SORCS2: variants seen among roughly 807,000 people sequenced by gnomAD.
SORCS2 encodes the protein sortilin related VPS10 domain containing receptor 2.
In SORCS2, 100 loss-of-function variants were observed where a neutral mutation model predicts 141.6. That is an observed-to-expected ratio of 0.71 (90% CI 0.60 to 0.83). The LOEUF (loss-of-function observed/expected upper bound fraction) is 0.83, where lower values mean the gene tolerates loss of function less well. Ranked by LOEUF, SORCS2 falls within the 40% of genes least tolerant of loss-of-function variation. The pLI, the probability that SORCS2 is intolerant of heterozygous loss-of-function variation, is 0.00. For synonymous variants in SORCS2, 789 were observed against 676.9 expected, an observed-to-expected ratio of 1.17 and a Z score of -2.57; for missense variants, 1,646 against 1,560.2, an observed-to-expected ratio of 1.05 and a Z score of -0.93.
intron 2 of SORCS2, among the ~76,000 whole-genome samples, chr4:7,425,059 G>A (rs1235036963): frequency 7.2e-5 from 11 of 152,176 alleles, no homozygotes; most frequent in African/African-American, 1.7e-4. Context: ...GTGCAGTTCC[G>A]GGAGGTGCCA....
intron 2 of SORCS2, among the ~76,000 whole-genome samples, chr4:7,467,605 G>A (rs994721223): frequency 3.3e-5 from 5 of 152,182 alleles, no homozygotes; most frequent in East Asian, 1.9e-4. Flanking sequence ...ACAGCTCAGC[G>A]GGGCCTGCAC....
chr4:7,459,686 G>C (rs537684085), intron 2 of SORCS2, among the ~76,000 whole-genome samples: 1 of 152,174 alleles, frequency 6.6e-6, no homozygotes, highest in East Asian at 1.9e-4. Flanking sequence ...GAGTGCTCAG[G>C]AGGACTTCCC....
At chr4:7,363,972 C>T (rs1366195758) in intron 1 of SORCS2, among the ~76,000 whole-genome samples, 5 of 12,682 alleles carry the variant, frequency 3.9e-4, no homozygotes, top group East Asian at 4.4e-3. Context: ...TTACCATCAC[C>T]GTCACCATAA....
chr4:7,484,423 G>A (rs62277656), intron 2 of SORCS2, among the ~76,000 whole-genome samples: 1 of 152,138 alleles, frequency 6.6e-6, no homozygotes, highest in Non-Finnish European at 1.5e-5. Flanking sequence ...GGGCCCAGCC[G>A]GAGCGGCCTG....
intron 2 of SORCS2, among the ~76,000 whole-genome samples, chr4:7,488,575 C>T (rs1019401159): frequency 2.0e-5 from 3 of 152,244 alleles, no homozygotes; most frequent in African/African-American, 4.8e-5. Flanking sequence ...CAGCGACTTT[C>T]CCAGACCTTC....
intron 1 of SORCS2, among the ~76,000 whole-genome samples, chr4:7,246,361 C>T (rs1262805605): frequency 6.6e-6 from 1 of 152,182 alleles, no homozygotes; most frequent in African/African-American, 2.4e-5. Flanking sequence ...ACCCACAGAT[C>T]TCACCCAGGG....
chr4:7,435,022 C>A, intron 2 of SORCS2: 1 of 1,043,078 alleles, frequency 9.6e-7, no homozygotes, highest in African/African-American at 1.6e-5. Flanking sequence ...ACCCTGTGCC[C>A]GGGGATTCCT....
At chr4:7,275,815 C>T (rs1298554955) in intron 1 of SORCS2, among the ~76,000 whole-genome samples, 1 of 152,160 alleles carries the variant, frequency 6.6e-6, no homozygotes. Context: ...TGCTACTGCA[C>T]TTCTATGGAG....
chr4:7,513,483 G>C lies in SORCS2; in HGVS notation c.549-18047G>C, dbSNP rs78789149. ...GCCAGGACACTTGGCTCCTAAGCCA[G>C]GCCAGAGCCGGGACTGCTGGCCCCC... On this transcript the variant is annotated intron_variant, in intron 2 of 26. Transcript: ENST00000507866. Among the ~76,000 whole-genome samples the C allele has an allele frequency of 6.3e-3, 962 of 152,368 alleles. 6 individuals carry two copies. Among genetic ancestry groups the C allele is most frequent in the Middle Eastern group, 0.027 (8 of 294 alleles).
intron 18 of SORCS2, 128 bp downstream of exon 18, chr4:7,718,311 C>G: frequency 1.9e-6 from 2 of 1,054,930 alleles, no homozygotes; most frequent in South Asian, 1.6e-5. Flanking sequence ...CATCAGCCAG[C>G]CTGTCCAGAC....
chr4:7,647,416 G>A (rs937331436), intron 4 of SORCS2, among the ~76,000 whole-genome samples: 4 of 152,186 alleles, frequency 2.6e-5, no homozygotes, highest in Admixed American at 2.6e-4. Context: ...CACACTCACA[G>A]CTGCCTTTCT....
At position 7,356,860 on chromosome 4, in the gene SORCS2, C is replaced by T. The variant is rs776011880; in HGVS notation, c.481-39428C>T. Among the ~76,000 whole-genome samples the T allele has an allele frequency of 5.9e-5, 9 of 152,336 alleles. No individual in the cohort carries two copies. In the South Asian group the frequency reaches 6.2e-4, roughly 11 times the overall value. ...ATCCCTGGATCTCTGGAGAGGGCTC[C>T]GGGCCTGGCCTGCTGGCTGGGGCCA... is the stretch of plus-strand genomic sequence containing the variant. On this transcript the variant is annotated intron_variant, in intron 1 of 26. Transcript: ENST00000507866.
intron 2 of SORCS2, among the ~76,000 whole-genome samples, chr4:7,496,419 CTACTGGAG>C (rs1731618446): frequency 7.1e-6 from 1 of 141,628 alleles, no homozygotes; most frequent in Non-Finnish European, 1.5e-5. Context: ...TTCTGGAAAG[CTACTGGAG>C]CCCCCCCCCC....
At chr4:7,716,958 A>G (rs1209100160) in intron 17 of SORCS2, among the ~76,000 whole-genome samples, 1 of 152,250 alleles carries the variant, frequency 6.6e-6, no homozygotes. Flanking sequence ...CTGAATGCTT[A>G]TTCAGTGGCA....
intron 2 of SORCS2, among the ~76,000 whole-genome samples, chr4:7,522,827 C>G (rs1241939064): frequency 4.8e-5 from 2 of 41,782 alleles, no homozygotes; most frequent in Non-Finnish European, 1.0e-4. Context: ...TCTCCCTTCT[C>G]CCTCCCTCCT....
At chr4:7,706,273 TGGGCAGGGATGAGGCTGGGCTCC>T (rs1725446662) in intron 14 of SORCS2, among the ~76,000 whole-genome samples, 4 of 132,084 alleles carry the variant, frequency 3.0e-5, no homozygotes, top group Non-Finnish European at 6.6e-5. Context: ...GGGCTCCGCC[TGGGCAGGGATGAGGCTGGGCTCC>T]GTCTGGGCAG....
chr4:7,390,939 G>A (rs1723818973), intron 1 of SORCS2, among the ~76,000 whole-genome samples: 1 of 152,202 alleles, frequency 6.6e-6, no homozygotes, highest in Admixed American at 6.5e-5. Flanking sequence ...CGCGAACTCT[G>A]CGAACTCAGA....
At chr4:7,462,347 A>G (rs561534479) in intron 2 of SORCS2, among the ~76,000 whole-genome samples, 1 of 152,286 alleles carries the variant, frequency 6.6e-6, no homozygotes, top group South Asian at 2.1e-4. Context: ...CATCTATGTA[A>G]TGGGGCAAAG....
At chr4:7,425,522 C>T (rs1314999425) in intron 2 of SORCS2, among the ~76,000 whole-genome samples, 1 of 152,192 alleles carries the variant, frequency 6.6e-6, no homozygotes, top group Non-Finnish European at 1.5e-5. Context: ...GATACCTAAC[C>T]CCTCCTGGAT....
Sources: allele counts gnomAD v4.1 joint callset (sites outside exome capture counted in the v4.1 genomes callset), GRCh38; gene constraint gnomAD v4.1.1; transcripts MANE v1.5; gene names NCBI Gene and HGNC (gene_info 2026-07-23, HGNC 2026-07-21).